The following ADAM9 variants were observed in gnomAD, a reference collection of about 807,000 sequenced individuals.
The protein encoded by ADAM9 is disintegrin and metalloproteinase domain-containing protein 9.
A neutral mutation model predicts 108.1 loss-of-function variants in ADAM9; 54 were observed. The ratio of observed to expected loss-of-function variants is 0.50; its 90% CI spans 0.40 to 0.63. The LOEUF (loss-of-function observed/expected upper bound fraction) is 0.63, where lower values mean the gene tolerates loss of function less well. Ranked by LOEUF, ADAM9 falls within the 20% of genes least tolerant of loss-of-function variation. The probability of loss-of-function intolerance (pLI) is 0.00; values close to 1 mark genes in which losing one functional copy is unlikely to be tolerated. For synonymous variants in ADAM9, 316 were observed against 336.0 expected, an observed-to-expected ratio of 0.94 and a Z score of 0.65; for missense variants, 830 against 997.7, an observed-to-expected ratio of 0.83 and a Z score of 2.26.
At chr8:39,025,592 C>T (rs117316676) in intron 9 of ADAM9, among the ~76,000 whole-genome samples, 1,677 of 151,790 alleles carry the variant, frequency 0.011, 15 homozygotes, top group Non-Finnish European at 0.017. Context: ...AAACTTGTCT[C>T]GGTATCCAGA....
chr8:39,068,199 A>T (rs1232459308), intron 14 of ADAM9, among the ~76,000 whole-genome samples: 1 of 152,202 alleles, frequency 6.6e-6, no homozygotes, highest in Non-Finnish European at 1.5e-5. Context: ...GGGGAATAAG[A>T]AGCAGAGAGG....
chr8:39,089,319 A>T (rs976710054), intron 18 of ADAM9, among the ~76,000 whole-genome samples: 2 of 152,094 alleles, frequency 1.3e-5, no homozygotes, highest in African/African-American at 4.8e-5. Flanking sequence ...ATAAGAGAAA[A>T]TTTTTCACCT....
chr8:39,023,399 A>G (rs534531371), intron 9 of ADAM9, 74 bp downstream of exon 9: 2 of 1,441,908 alleles, frequency 1.4e-6, no homozygotes, highest in Admixed American at 4.5e-5. Flanking sequence ...CTTGTATTAG[A>G]ATTATATTCT....
chr8:39,008,385 G>C (rs1836235268), intron 2 of ADAM9, among the ~76,000 whole-genome samples: 1 of 152,156 alleles, frequency 6.6e-6, no homozygotes, highest in Non-Finnish European at 1.5e-5. Flanking sequence ...TGTTGGCCAG[G>C]CTGATCTTGA....
intron 12 of ADAM9, among the ~76,000 whole-genome samples, chr8:39,048,908 A>G (rs1837862547): frequency 6.6e-6 from 1 of 151,130 alleles, no homozygotes; most frequent in African/African-American, 2.4e-5. Flanking sequence ...CTCTGTGGTT[A>G]CCATTTGCAT....
At chr8:39,016,008 G>GTTA in intron 4 of ADAM9, 110 bp from the exon 5 acceptor site, 4 of 981,256 alleles carry the variant, frequency 4.1e-6, no homozygotes, top group Non-Finnish European at 4.8e-6. Flanking sequence ...ATAAAACTTT[G>GTTA]TTATTATTAA....
At chr8:39,059,147 T>C (rs1414813143) in intron 14 of ADAM9, among the ~76,000 whole-genome samples, 1 of 152,224 alleles carries the variant, frequency 6.6e-6, no homozygotes, top group African/African-American at 2.4e-5. Flanking sequence ...GAAGCAGTGC[T>C]GTGTAGAATA....
chr8:39,058,407 C>T lies in ADAM9; in HGVS notation c.1591+2635C>T, dbSNP rs543748796. ...GTGGTTCTTTACCTGTTAGGGTGAC[C>T]CAAACTGTCGTTCTTGAAGGGTCTG... On this transcript the variant is annotated intron_variant, in intron 14 of 21. Transcript: ENST00000487273. Among the ~76,000 whole-genome samples, 128 of 152,292 alleles carry T rather than the reference C, an allele frequency of 8.4e-4. 1 individual carries two copies. Among genetic ancestry groups the T allele is most frequent in the African/African-American group, 3.0e-3 (124 of 41,558 alleles).
intron 10 of ADAM9, among the ~76,000 whole-genome samples, chr8:39,026,380 C>G (rs1357098844): frequency 6.6e-6 from 1 of 152,166 alleles, no homozygotes; most frequent in Non-Finnish European, 1.5e-5. Flanking sequence ...ACATGTACTC[C>G]ATTTTAGAGA....
chr8:39,064,690 CTTTG>C (rs1240766072), intron 14 of ADAM9, among the ~76,000 whole-genome samples: 2 of 152,122 alleles, frequency 1.3e-5, no homozygotes, highest in East Asian at 3.8e-4. Flanking sequence ...TACCTTCTTT[CTTTG>C]TTTATTTCCT....
chr8:39,063,744 A>G (rs1248475502), intron 14 of ADAM9, among the ~76,000 whole-genome samples: 1 of 152,116 alleles, frequency 6.6e-6, no homozygotes, highest in African/African-American at 2.4e-5. Context: ...CAAGAAAAGA[A>G]AGAGTTTAGA....
Position 39,042,202 on chromosome 8 carries a change from A to G in ADAM9, c.1302+85A>G, listed in dbSNP as rs1044463194. On this transcript the variant is annotated intron_variant, in intron 12 of 21. Coordinates refer to ENST00000487273, the MANE Select transcript of ADAM9 (RefSeq NM_003816.3). ...ATGGCTTGCTTTGGGCAACTCTGACATAGGAGCTAAAGTAAAATTTAGTGG... is the reference window on the plus strand; with the variant it reads ...ATGGCTTGCTTTGGGCAACTCTGACGTAGGAGCTAAAGTAAAATTTAGTGG... The G allele has an allele frequency of 2.0e-6, 3 of 1,465,486 alleles. No individual in the cohort carries two copies. In the African/African-American group the frequency reaches 4.2e-5, roughly 20 times the overall value. 90.8% of individuals were successfully genotyped at this position (1,465,486 alleles called of 1,614,324 possible).
chr8:39,089,874 G>A (rs1839292983), intron 18 of ADAM9, 173 bp from the exon 19 acceptor site: 1 of 686,256 alleles, frequency 1.5e-6, no homozygotes, highest in East Asian at 2.8e-5. Flanking sequence ...TTTTTGTGAA[G>A]GCAGAAGTAA....
intron 13 of ADAM9, among the ~76,000 whole-genome samples, chr8:39,054,947 G>C (rs557634675): frequency 3.7e-4 from 56 of 152,244 alleles, no homozygotes; most frequent in African/African-American, 1.3e-3. Context: ...AAATGTGAGT[G>C]TATGTGTGTA....
chr8:39,002,618 G>A (rs1363542629), intron 1 of ADAM9, among the ~76,000 whole-genome samples: 1 of 152,036 alleles, frequency 6.6e-6, no homozygotes, highest in South Asian at 2.1e-4. Context: ...ACTGTGCCCG[G>A]CCACAATTAG....
intron 20 of ADAM9, among the ~76,000 whole-genome samples, chr8:39,094,636 C>T (rs1839445301): frequency 6.6e-6 from 1 of 151,922 alleles, no homozygotes; most frequent in Non-Finnish European, 1.5e-5. Flanking sequence ...TTTATTTTGT[C>T]TTGATTCAGT....
intron 2 of ADAM9, among the ~76,000 whole-genome samples, chr8:39,009,040 G>T (rs1836259525): frequency 6.6e-6 from 1 of 152,108 alleles, no homozygotes. Flanking sequence ...TGTTTTTTAG[G>T]GAGTGGGCAT....
rs1028870832 is a variant in ADAM9 at position 39,021,650 on chromosome 8, T to A, written c.680T>A (p.Met227Lys). Residue 227 changes from methionine (M) to lysine (K), a missense_variant, in exon 8 of 22, where the codon ATG becomes AAG. Met to Lys is a moderately conservative substitution (Grantham distance 95). This residue lies in a region of ADAM9 where 381 missense variants were observed against 539.8 expected (regional missense o/e 0.71). Transcript: ENST00000487273. ...CCTTCTTTGCTTTTCCAGTATGACATGATGGGAAGAAATCAGACTGCTGTG... is the reference window on the plus strand; with the variant it reads ...CCTTCTTTGCTTTTCCAGTATGACAAGATGGGAAGAAATCAGACTGCTGTG... ...FIVVDKERYD[M>K]MGRNQTAVRE... 2 of 1,613,762 alleles carry A rather than the reference T, an allele frequency of 1.2e-6. No homozygotes were observed. The highest frequency in any genetic ancestry group is 2.7e-5 in the African/African-American group (2 of 74,902).
chr8:39,002,511 C>T lies in ADAM9; in HGVS notation c.97+5351C>T, dbSNP rs11997194. Among the ~76,000 whole-genome samples, 1,356 of 151,594 alleles carry T rather than the reference C, an allele frequency of 8.9e-3. 18 individuals are homozygous for T. The highest frequency in any genetic ancestry group is 0.031 in the African/African-American group (1,266 of 41,300). On this transcript the variant is annotated intron_variant, in intron 1 of 21. Coordinates refer to ENST00000487273, the MANE Select transcript of ADAM9 (RefSeq NM_003816.3). ...TTTTTGTATTTTTTTTTAGTAAAGA[C>T]GGGGTTTCACCATATTGGCCAGGCT...
Sources: allele counts gnomAD v4.1 joint callset (sites outside exome capture counted in the v4.1 genomes callset), GRCh38; gene constraint gnomAD v4.1.1; regional missense constraint gnomAD v4.1.1; transcripts MANE v1.5; gene names NCBI Gene and HGNC (gene_info 2026-07-23, HGNC 2026-07-21).